The following AK9 variants were observed in gnomAD, a reference collection of about 807,000 sequenced individuals.
AK9 encodes the protein adenylate kinase domain containing 1.
In AK9, 191 loss-of-function variants were observed where a neutral mutation model predicts 239.6. The observed-to-expected ratio is 0.80, with a 90% CI of 0.71 to 0.90. The LOEUF (loss-of-function observed/expected upper bound fraction) is 0.90. AK9 is among the 40% of genes least tolerant of loss of function. The pLI is 0.00. For missense variants in AK9, 1,995 were observed against 2,214.7 expected (o/e 0.90, Z 1.99); for synonymous variants, 689 against 721.0 (o/e 0.96, Z 0.71).
chr6:109,663,404 A>AT (rs1265228605), intron 5 of AK9, among the ~76,000 whole-genome samples: 3 of 152,218 alleles, frequency 2.0e-5, no homozygotes, highest in Non-Finnish European at 2.9e-5. Flanking sequence ...AACTATGTTT[A>AT]TTCAGCCCTG....
chr6:109,508,700 T>C lies in AK9; in HGVS notation c.4481+479A>G, dbSNP rs555972429. ...GTGCTGGAGGAGCAAAGGTGAGAAG[T>C]GTAAATGGAAGAGACAGCTCAAGTG... On this transcript the variant is annotated intron_variant, in intron 33 of 40. Transcript: ENST00000424296. Among the ~76,000 whole-genome samples, 6 of 152,026 alleles carry C rather than the reference T, an allele frequency of 3.9e-5. No individual in the cohort carries two copies. In the East Asian group the frequency reaches 5.8e-4, roughly 15 times the overall value.
intron 21 of AK9, among the ~76,000 whole-genome samples, chr6:109,571,046 C>A (rs1448831995): frequency 1.3e-5 from 2 of 152,116 alleles, no homozygotes; most frequent in African/African-American, 4.8e-5. Context: ...GATTTAATAG[C>A]CTCTAAGTTG....
At chr6:109,575,374 T>C (rs543396763) in intron 20 of AK9, among the ~76,000 whole-genome samples, 2 of 152,308 alleles carry the variant, frequency 1.3e-5, no homozygotes, top group South Asian at 4.1e-4. Flanking sequence ...TGGCCATTCT[T>C]ACAGGAGTAA....
At chr6:109,673,365 T>C (rs1158546861) in intron 3 of AK9, among the ~76,000 whole-genome samples, 2 of 152,194 alleles carry the variant, frequency 1.3e-5, no homozygotes, top group East Asian at 1.9e-4. Flanking sequence ...GCCAATTTGA[T>C]AGGCAAATAT....
At chr6:109,558,918 C>T (rs4946987) in intron 24 of AK9, among the ~76,000 whole-genome samples, 87,760 of 150,414 alleles carry the variant, frequency 0.58, 27,231 homozygotes, top group South Asian at 0.84. Flanking sequence ...GGCTGGGGTG[C>T]GGTGGCACAA....
chr6:109,494,728 T>G (rs1776860500), intron 39 of AK9, among the ~76,000 whole-genome samples: 1 of 152,228 alleles, frequency 6.6e-6, no homozygotes, highest in Non-Finnish European at 1.5e-5. Context: ...TTTGACATTG[T>G]GCCCTAAGCA....
chr6:109,561,096 G>C (rs1359042981), intron 24 of AK9, among the ~76,000 whole-genome samples: 1 of 152,020 alleles, frequency 6.6e-6, no homozygotes, highest in Non-Finnish European at 1.5e-5. Flanking sequence ...TGGGATTACA[G>C]GTGCGCATGA....
chr6:109,529,026 ATC>A lies in AK9; in HGVS notation c.3616_3617del (p.Asp1206Ter). The part of the protein sequence containing the change: ...KRRAELILER[D>X]KKRRENVVRD... ...AACTACTTACCTCCCTCCTTTTTTT[ATC>A]TCTCTCTAATATAAGTTCAGCCCTT... On this transcript the variant is annotated frameshift_variant, in exon 29 of 41. Coordinates refer to ENST00000424296, the MANE Select transcript of AK9 (RefSeq NM_001145128.3). LOFTEE classifies it high-confidence loss of function. 6.3e-7 allele frequency: 1 copy of A among 1,597,268 alleles called. No homozygotes were observed. Among genetic ancestry groups the A allele is most frequent in the Non-Finnish European group, 8.5e-7 (1 of 1,175,318 alleles).
At position 109,659,328 on chromosome 6, in the gene AK9, T is replaced by A; in HGVS notation, c.530A>T (p.Asp177Val). The A allele has an allele frequency of 6.2e-7, 1 of 1,609,504 alleles. No individual in the cohort carries two copies. Among genetic ancestry groups the A allele is most frequent in the South Asian group, 1.1e-5 (1 of 90,002 alleles). ...TGYIYSRDQW[D>V]PEVIENHRKK... ...CCTATGATTCTCAATGACTTCAGGA[T>A]CCCACTGGTCTCTACTGTATATGTA... is the stretch of plus-strand genomic sequence containing the variant. The change falls in exon 7 of 41, where the codon GAT (aspartate) becomes GTT (valine). Residue 177 changes from aspartate to valine, a missense_variant. Asp to Val is a radical substitution (Grantham distance 152). This residue lies in a region of AK9 where 252 missense variants were observed against 246.4 expected (regional missense o/e 1.02). Transcript: ENST00000424296.
At chr6:109,613,567 C>G (rs970382876) in intron 15 of AK9, among the ~76,000 whole-genome samples, 1 of 151,756 alleles carries the variant, frequency 6.6e-6, no homozygotes, top group Non-Finnish European at 1.5e-5. Context: ...TCCTAGAAAT[C>G]CCCAGGAATT....
rs1786251871 is a variant in AK9, at chr6:109,564,798, C to CT, written c.2391dup (p.Gly798ArgfsTer9). Reference sequence around the variant, plus strand: ...TCAATTTCCAGGCCCTCTTTGGATCCTTTTGGGATTTCTGTTTCCACTGTA... The same window carrying CT: ...TCAATTTCCAGGCCCTCTTTGGATCCTTTTTGGGATTTCTGTTTCCACTGTA... On this transcript the variant is annotated frameshift_variant, in exon 22 of 41. Coordinates refer to ENST00000424296, the MANE Select transcript of AK9 (RefSeq NM_001145128.3). LOFTEE classifies it high-confidence loss of function. The CT allele has an allele frequency of 6.5e-7, 1 of 1,546,356 alleles. No individual in the cohort carries two copies. The highest frequency in any genetic ancestry group is 2.0e-5 in the Admixed American group (1 of 50,176).
intron 28 of AK9, among the ~76,000 whole-genome samples, chr6:109,532,329 C>T (rs761743449): frequency 9.8e-5 from 15 of 152,310 alleles, no homozygotes; most frequent in African/African-American, 3.4e-4. Flanking sequence ...CTTGAGGCCA[C>T]GTGGAGTACC....
chr6:109,505,427 CAAT>C (rs1356684659), intron 35 of AK9, among the ~76,000 whole-genome samples: 2 of 152,108 alleles, frequency 1.3e-5, no homozygotes, highest in African/African-American at 4.8e-5. Context: ...AGAGAACAGT[CAAT>C]AAACTATTTA....
At chr6:109,610,314 T>C in intron 17 of AK9, 51 bp downstream of exon 17, 1 of 1,517,028 alleles carries the variant, frequency 6.6e-7, no homozygotes, top group Non-Finnish European at 8.9e-7. Flanking sequence ...ATTAACATTT[T>C]CTCAGTAATA....
intron 1 of AK9, among the ~76,000 whole-genome samples, chr6:109,677,711 A>T (rs1771970896): frequency 6.6e-6 from 1 of 152,236 alleles, no homozygotes; most frequent in South Asian, 2.1e-4. Context: ...ACTGAGTTTA[A>T]AAAAGTCAAC....
At chr6:109,670,409 G>T (rs1801897193) in intron 5 of AK9, among the ~76,000 whole-genome samples, 1 of 152,168 alleles carries the variant, frequency 6.6e-6, no homozygotes, top group African/African-American at 2.4e-5. Flanking sequence ...GTTGAGAGAA[G>T]GGAGTAAGTA....
At chr6:109,573,375 A>T in intron 21 of AK9, 67 bp downstream of exon 21, 1 of 1,449,030 alleles carries the variant, frequency 6.9e-7, no homozygotes, top group Non-Finnish European at 9.2e-7. Context: ...GTATACATAC[A>T]CATACCCAAA....
In AK9 at chr6:109,614,201, C is replaced by T. The variant is rs1793894465; in HGVS notation, c.1591G>A (p.Ala531Thr). 6.4e-7 allele frequency: 1 copy of T among 1,551,146 alleles called. No individual in the cohort carries two copies. Among genetic ancestry groups the T allele is most frequent in the Non-Finnish European group, 8.7e-7 (1 of 1,146,602 alleles). Residue 531 changes from alanine to threonine, a missense_variant, in exon 15 of 41, where the codon GCT (alanine) becomes ACT (threonine). Transcript: ENST00000424296. ...TTGTTACCATCTTTATCAACTTTAG[C>T]AGCTTGATCATGGAGGACATTTTCT... ...KSENVLHDQA[A>T]KVDKDDGKET...
chr6:109,588,948 T>C (rs985633483), intron 17 of AK9, among the ~76,000 whole-genome samples: 2 of 152,214 alleles, frequency 1.3e-5, no homozygotes, highest in Non-Finnish European at 2.9e-5. Flanking sequence ...CTTTTTAAAA[T>C]ACCAGTACCA....
Sources: gnomAD v4.1 joint callset for allele counts (sites outside exome capture counted in the v4.1 genomes callset) on GRCh38, gnomAD v4.1.1 for gene constraint, gnomAD v4.1.1 regional missense constraint, MANE v1.5 for transcripts, NCBI Gene and HGNC (gene_info 2026-07-23, HGNC 2026-07-21) for gene names.